Variants in DDX11 observed in about 807,000 individuals in gnomAD.
The protein encoded by DDX11 is ATP-dependent DNA helicase DDX11.
Under a neutral mutation model 125.2 loss-of-function variants are expected in DDX11, and 72 were observed. That is an observed-to-expected ratio of 0.58 (90% CI 0.48 to 0.70). DDX11 has a LOEUF of 0.70. DDX11 is among the 30% of genes least tolerant of loss of function. The pLI, the probability that DDX11 is intolerant of heterozygous loss-of-function variation, is 0.00. For synonymous variants in DDX11, 347 were observed against 452.6 expected, an observed-to-expected ratio of 0.77 and a Z score of 2.96; for missense variants, 883 against 1,165.0, an observed-to-expected ratio of 0.76 and a Z score of 3.52.
At chr12:31,092,935 G>T in intron 11 of DDX11, 43 bp downstream of exon 11, 1 of 1,610,988 alleles carries the variant, frequency 6.2e-7, no homozygotes, top group Non-Finnish European at 8.5e-7. Context: ...TCCCTTGGTG[G>T]CCCCCTGCGT....
chr12:31,082,976 G>T (rs1288078052), intron 2 of DDX11, among the ~76,000 whole-genome samples: 3 of 152,114 alleles, frequency 2.0e-5, no homozygotes, highest in African/African-American at 7.2e-5. Context: ...AGCCCTTTAG[G>T]CTGGGTCCCG....
At chr12:31,082,401 C>T (rs1179661632) in intron 2 of DDX11, among the ~76,000 whole-genome samples, 5 of 151,670 alleles carry the variant, frequency 3.3e-5, no homozygotes, top group African/African-American at 9.7e-5. Flanking sequence ...TGGAAACAAG[C>T]GTAGTGAGGC....
rs1944933044 is a variant in DDX11 at position 31,094,822 on chromosome 12, G to A, written c.1482G>A (p.Lys494=). Residue 494 remains lysine (K), a splice_region_variant and synonymous_variant, in exon 14 of 27, where the codon AAG becomes AAA. Transcript: ENST00000542838. ...QSQIDNINLF[K]VQRYCEKSMI... ...AGATCGACAACATCAACCTGTTCAA[G>A]GTAGAGGTTTCCACCTTTCCACATT... The A allele has an allele frequency of 6.2e-7, 1 of 1,612,510 alleles. No individual in the cohort carries two copies. The highest frequency in any genetic ancestry group is 1.7e-4 in the Middle Eastern group (1 of 6,056).
intron 1 of DDX11, among the ~76,000 whole-genome samples, chr12:31,075,852 T>C (rs1258048577): frequency 1.3e-5 from 2 of 152,188 alleles, no homozygotes; most frequent in African/African-American, 4.8e-5. Flanking sequence ...TGCTAAGAGC[T>C]ATGAATAAAT....
intron 3 of DDX11, 73 bp from the exon 4 acceptor site, chr12:31,084,510 T>A: frequency 7.4e-7 from 1 of 1,343,448 alleles, no homozygotes; most frequent in South Asian, 1.2e-5. Flanking sequence ...CCGGGCTGAG[T>A]GGCCCAGACT....
intron 5 of DDX11, among the ~76,000 whole-genome samples, chr12:31,085,455 G>C (rs2140561661): frequency 6.6e-6 from 1 of 152,378 alleles, no homozygotes; most frequent in South Asian, 2.1e-4. Flanking sequence ...TGGAGAGCTG[G>C]GCTAGAACTC....
At chr12:31,075,227 C>A (rs1940533472) in intron 1 of DDX11, among the ~76,000 whole-genome samples, 1 of 151,244 alleles carries the variant, frequency 6.6e-6, no homozygotes, top group Non-Finnish European at 1.5e-5. Context: ...ATCTAAACCT[C>A]TATGATTTAG....
At position 31,097,994 on chromosome 12, in the gene DDX11, G is replaced by A. The variant is rs1412548607; in HGVS notation, c.1872G>A (p.Gln624=). 1 of 1,613,278 alleles carries A rather than the reference G, an allele frequency of 6.2e-7. No homozygotes were observed. The highest frequency in any genetic ancestry group is 1.1e-5 in the South Asian group (1 of 91,076). ...RAVVIAGGTM[Q]PVSDFRQQLL... is the part of the protein sequence containing the mutation. ...TGGTCATTGCGGGGGGTACCATGCAGCCGGTAAGGACACCTTTCCCAGCCC... is the reference window on the plus strand; with the variant it reads ...TGGTCATTGCGGGGGGTACCATGCAACCGGTAAGGACACCTTTCCCAGCCC... The change falls in exon 18 of 27, where the codon CAG becomes CAA. Residue 624 remains glutamine, a synonymous_variant. Transcript: ENST00000542838.
At position 31,100,699 on chromosome 12, in the gene DDX11, T is replaced by G. The variant is rs758463591; in HGVS notation, c.1940T>G (p.Phe647Cys). ...GTGGAAGCTGAGCGCGTGGTGGAGT[T>G]TTCCTGTGGTGAGAAGCTGTGCCCA... ...AGVEAERVVEFSCGHVIPPDN... is the reference protein window; with the variant it reads ...AGVEAERVVECSCGHVIPPDN... Residue 647 changes from phenylalanine to cysteine, a missense_variant, in exon 19 of 27, where the codon TTT becomes TGT. By Grantham distance (205) the Phe-to-Cys change is radical. Around this residue, in one of 5 missense-constraint regions of DDX11, gnomAD observed 285 missense variants for 346.0 expected, o/e 0.82. Coordinates refer to ENST00000542838, the MANE Select transcript of DDX11 (RefSeq NM_030653.4). The G allele has an allele frequency of 4.5e-6, 7 of 1,551,838 alleles. No homozygotes were observed. Among genetic ancestry groups the G allele is most frequent in the Non-Finnish European group, 5.2e-6 (6 of 1,147,036 alleles).
intron 2 of DDX11, 90 bp downstream of exon 2, chr12:31,078,627 G>C: frequency 1.3e-6 from 2 of 1,585,280 alleles, no homozygotes; most frequent in Non-Finnish European, 1.7e-6. Flanking sequence ...GATTTTCATA[G>C]TTTGAAGTTG....
Position 31,076,254 on chromosome 12 carries a change from C to T in DDX11, c.-4-2136C>T, listed in dbSNP as rs965286311. Among the ~76,000 whole-genome samples, 8 of 152,070 alleles carry T rather than the reference C, an allele frequency of 5.3e-5. 1 individual carries two copies. The highest frequency in any genetic ancestry group is 1.3e-4 in the Admixed American group (2 of 15,258). ...GCGAAAGTTTGGGATAAGCAGAAACCGAGTGCGCTGAGGGAGTGAGATTGT... is the reference window on the plus strand; with the variant it reads ...GCGAAAGTTTGGGATAAGCAGAAACTGAGTGCGCTGAGGGAGTGAGATTGT... On this transcript the variant is annotated intron_variant, in intron 1 of 26. Coordinates refer to ENST00000542838, the MANE Select transcript of DDX11 (RefSeq NM_030653.4).
chr12:31,101,798 T>C, intron 20 of DDX11, 35 bp from the exon 21 acceptor site: 1 of 1,613,624 alleles, frequency 6.2e-7, no homozygotes, highest in Non-Finnish European at 8.5e-7. Flanking sequence ...GGTTGCTCCA[T>C]GGGGGCTCCC....
intron 18 of DDX11, among the ~76,000 whole-genome samples, chr12:31,098,429 A>C (rs2140960625): frequency 6.6e-6 from 1 of 152,414 alleles, no homozygotes; most frequent in African/African-American, 2.4e-5. Context: ...CTTTTCACTC[A>C]GCAGCCAGAG....
chr12:31,097,943 C>A lies in DDX11; in HGVS notation c.1821C>A (p.Ala607=). Residue 607 remains alanine, a synonymous_variant, in exon 18 of 27, where the codon GCC becomes GCA. Transcript: ENST00000542838. The stretch of plus-strand genomic sequence containing the variant: ...TCCTGAATCCAGCTGTGCACTTTGC[C>A]CAAGTGGTGAAGGAATGCCGGGCAG... ...FLLLNPAVHF[A]QVVKECRAVV... 6.2e-7 allele frequency: 1 copy of A among 1,613,874 alleles called. No individual in the cohort carries two copies. The highest frequency in any genetic ancestry group is 8.5e-7 in the Non-Finnish European group (1 of 1,179,886).
intron 1 of DDX11, among the ~76,000 whole-genome samples, chr12:31,074,682 C>G (rs1940443249): frequency 6.6e-6 from 1 of 152,224 alleles, no homozygotes; most frequent in Admixed American, 6.5e-5. Flanking sequence ...GCCAGGCCAT[C>G]CTCCAGCTGG....
At position 31,103,964 on chromosome 12, in the gene DDX11, T is replaced by G; in HGVS notation, c.*128T>G. The stretch of plus-strand genomic sequence containing the variant: ...TGAAACCCAGGAGGAGAGTGTGGAG[T>G]CCAGAGTGCTGCCAGGACCCAGGCA... On this transcript the variant is annotated 3_prime_UTR_variant, in exon 27 of 27. Coordinates refer to ENST00000542838, the MANE Select transcript of DDX11 (RefSeq NM_030653.4). The G allele has an allele frequency of 6.3e-7, 1 of 1,590,472 alleles. No homozygotes were observed. Among genetic ancestry groups the G allele is most frequent in the Non-Finnish European group, 8.6e-7 (1 of 1,169,562 alleles).
intron 2 of DDX11, among the ~76,000 whole-genome samples, chr12:31,083,356 G>C (rs2111766): frequency 6.7e-6 from 1 of 148,466 alleles, no homozygotes; most frequent in African/African-American, 2.5e-5. Context: ...AAGCACTGGC[G>C]CTCATGACTG....
chr12:31,082,690 C>T (rs998305784), intron 2 of DDX11, among the ~76,000 whole-genome samples: 2 of 151,818 alleles, frequency 1.3e-5, no homozygotes, highest in Non-Finnish European at 2.9e-5. Flanking sequence ...CCTGAAGGGT[C>T]CTCTCTGGAA....
intron 6 of DDX11, among the ~76,000 whole-genome samples, chr12:31,088,596 T>TC (rs59774926): frequency 0.54 from 81,790 of 152,010 alleles, 23,223 homozygotes; most frequent in East Asian, 0.82. Context: ...TTTCTTTTTT[T>TC]CTCCCTTCAC....
Sources: allele counts gnomAD v4.1 joint callset (sites outside exome capture counted in the v4.1 genomes callset), GRCh38; gene constraint gnomAD v4.1.1; regional missense constraint gnomAD v4.1.1; transcripts MANE v1.5; gene names NCBI Gene and HGNC (gene_info 2026-07-23, HGNC 2026-07-21).